The following LYG1 variants were observed in gnomAD, a reference collection of about 807,000 sequenced individuals.
LYG1 encodes lysozyme g1, also known as lysozyme g-like protein 1.
A neutral mutation model predicts 21.7 loss-of-function variants in LYG1; 17 were observed. That is an observed-to-expected ratio of 0.78 (90% confidence interval 0.54 to 1.18). LYG1 has a LOEUF of 1.18. Ranked by LOEUF, LYG1 falls within the 50% of genes most tolerant of loss-of-function variation. The pLI, the probability that LYG1 is intolerant of heterozygous loss-of-function variation, is 0.00. For synonymous variants in LYG1, 81 were observed against 87.4 expected (o/e 0.93, Z 0.41); for missense variants, 211 against 238.1 (o/e 0.89, Z 0.75).
intron 4 of LYG1, 120 bp downstream of exon 4, chr2:99,292,416 G>T (rs2094122163): frequency 2.8e-6 from 2 of 720,450 alleles, no homozygotes; most frequent in Non-Finnish European, 4.8e-6. Flanking sequence ...TAAGTGACTT[G>T]TTCAAGAAGC....
intron 5 of LYG1, among the ~76,000 whole-genome samples, chr2:99,289,842 TG>T: frequency 1.0e-5 from 1 of 97,526 alleles, no homozygotes; most frequent in Non-Finnish European, 2.5e-5. Context: ...TTCTCTTGTT[TG>T]TTGTTGTTGT....
Position 99,295,708 on chromosome 2 carries a change from A to C in LYG1, c.-32-6T>G, listed in dbSNP as rs751492530. The stretch of plus-strand genomic sequence containing the variant: ...GCTCTACGGCTCCTGAAACACTTTT[A>C]AAACAAAAATTAGCTTGAGAATACA... On this transcript the variant is annotated splice_polypyrimidine_tract_variant and splice_region_variant and intron_variant, in intron 2 of 6. Coordinates refer to ENST00000308528, the MANE Select transcript of LYG1 (RefSeq NM_174898.3). 5.0e-6 allele frequency: 8 copies of C among 1,613,764 alleles called. No homozygotes were observed. The highest frequency in any genetic ancestry group is 3.3e-5 in the Admixed American group (2 of 59,978).
rs141199519 is a variant in LYG1, at chr2:99,292,246, T to C, written c.148+290A>G. Among the ~76,000 whole-genome samples, 627 of 152,010 alleles carry C rather than the reference T, an allele frequency of 4.1e-3. 4 individuals are homozygous for C. The highest frequency in any genetic ancestry group is 0.014 in the African/African-American group (598 of 41,446). ...GTTGCAGTGACCTGAGATTGCACCATTGCACTCCAACCTGGGCAACAAGAC... is the reference window on the plus strand; with the variant it reads ...GTTGCAGTGACCTGAGATTGCACCACTGCACTCCAACCTGGGCAACAAGAC... On this transcript the variant is annotated intron_variant, in intron 4 of 6. Transcript: ENST00000308528.
chr2:99,292,943 C>A (rs1183999480), intron 3 of LYG1, among the ~76,000 whole-genome samples: 1 of 147,072 alleles, frequency 6.8e-6, no homozygotes, highest in African/African-American at 2.5e-5. Context: ...TCTTGGAACA[C>A]AAAGGAGAGG....
upstream of LYG1, among the ~76,000 whole-genome samples, chr2:99,302,785 G>A (rs1014277488): frequency 9.9e-5 from 15 of 152,064 alleles, no homozygotes; most frequent in Non-Finnish European, 7.4e-5. Flanking sequence ...TTGGGAGGCC[G>A]AGGCAGGTGG....
chr2:99,284,887 T>C (rs2105287581), intron 5 of LYG1, 67 bp from the exon 6 acceptor site: 1 of 1,570,598 alleles, frequency 6.4e-7, no homozygotes, highest in East Asian at 2.3e-5. Flanking sequence ...CTTACTGGGC[T>C]CAATGGCGCT....
chr2:99,287,481 C>T (rs2094103675), intron 5 of LYG1, among the ~76,000 whole-genome samples: 1 of 152,006 alleles, frequency 6.6e-6, no homozygotes. Context: ...CCATGACACA[C>T]GTTTACCTGT....
In LYG1 at chr2:99,291,391, A is replaced by T; in HGVS notation, c.179T>A (p.Ile60Lys). 6.2e-7 allele frequency: 1 copy of T among 1,614,170 alleles called. No homozygotes were observed. Among genetic ancestry groups the T allele is most frequent in the Non-Finnish European group, 8.5e-7 (1 of 1,180,020 alleles). ...GVRASERLAE[I>K]DMPYLLKYQP... ...ATATTTCAGGAGGTATGGCATGTCT[A>T]TTTCAGCCAGCCTTTCAGAAGCACG... Residue 60 changes from isoleucine to lysine, a missense_variant, in exon 5 of 7, where the codon ATA becomes AAA. Ile to Lys is a moderately radical substitution (Grantham distance 102). Coordinates refer to ENST00000308528, the MANE Select transcript of LYG1 (RefSeq NM_174898.3).
At chr2:99,303,893 C>T (rs1249175186), upstream of LYG1, among the ~76,000 whole-genome samples, 7 of 151,466 alleles carry the variant, frequency 4.6e-5, no homozygotes, top group East Asian at 2.0e-4. Flanking sequence ...AAACCCCGGC[C>T]GGGCACGGTG....
At chr2:99,298,320 T>C (rs986195576) in intron 2 of LYG1, 139 bp downstream of exon 2, 2 of 152,202 alleles carry the variant, frequency 1.3e-5, no homozygotes, top group Non-Finnish European at 2.9e-5. Context: ...GAGAGCAAAA[T>C]AGTAACAAAC....
At chr2:99,303,026 A>AAAG (rs2094159053), upstream of LYG1, among the ~76,000 whole-genome samples, 1 of 151,686 alleles carries the variant, frequency 6.6e-6, no homozygotes, top group Non-Finnish European at 1.5e-5. Flanking sequence ...GAAAAAAAAA[A>AAAG]AAAAGAAGAT....
chr2:99,299,799 T>G (rs2094148899), intron 1 of LYG1, among the ~76,000 whole-genome samples: 1 of 151,820 alleles, frequency 6.6e-6, no homozygotes, highest in African/African-American at 2.4e-5. Flanking sequence ...AAATATTTAT[T>G]TTATTCCATT....
intron 2 of LYG1, among the ~76,000 whole-genome samples, chr2:99,298,032 T>G (rs1354158645): frequency 6.6e-6 from 1 of 152,198 alleles, no homozygotes; most frequent in Non-Finnish European, 1.5e-5. Flanking sequence ...CTTAAATGGA[T>G]GAACAATGTC....
chr2:99,298,291 T>A (rs2094142897), intron 2 of LYG1, among the ~76,000 whole-genome samples, 168 bp downstream of exon 2: 1 of 152,112 alleles, frequency 6.6e-6, no homozygotes, highest in Non-Finnish European at 1.5e-5. Flanking sequence ...TATGGTAGCA[T>A]CCCTCTTCTC....
intron 2 of LYG1, among the ~76,000 whole-genome samples, 176 bp downstream of exon 2, chr2:99,298,283 T>C (rs953470335): frequency 1.3e-5 from 2 of 152,164 alleles, no homozygotes; most frequent in Non-Finnish European, 2.9e-5. Flanking sequence ...ACAATGTTTA[T>C]GGTAGCATCC....
rs1393974190 is a variant in LYG1 at position 99,295,616 on chromosome 2, A to T, written c.43+12T>A. The stretch of plus-strand genomic sequence containing the variant: ...ATCTCCAAAGTCATTTGTAAAAATC[A>T]GCCACACTCACCCATCAGGGCAAGG... On this transcript the variant is annotated intron_variant, in intron 3 of 6. Coordinates refer to ENST00000308528, the MANE Select transcript of LYG1 (RefSeq NM_174898.3). The T allele has an allele frequency of 6.2e-7, 1 of 1,614,174 alleles. No individual in the cohort carries two copies. Among genetic ancestry groups the T allele is most frequent in the Non-Finnish European group, 8.5e-7 (1 of 1,180,004 alleles).
intron 5 of LYG1, among the ~76,000 whole-genome samples, chr2:99,289,050 T>C (rs1453155389): frequency 1.3e-5 from 2 of 152,162 alleles, no homozygotes; most frequent in African/African-American, 4.8e-5. Flanking sequence ...TTTATTAGAA[T>C]TGCAGAACTT....
intron 5 of LYG1, 64 bp downstream of exon 5, chr2:99,291,173 C>A: frequency 6.6e-7 from 1 of 1,522,558 alleles, no homozygotes; most frequent in South Asian, 1.2e-5. Flanking sequence ...TGCCATCATC[C>A]AAAAAACAAA....
At chr2:99,300,079 ATCT>A (rs1248851911) in intron 1 of LYG1, among the ~76,000 whole-genome samples, 10 of 128,108 alleles carry the variant, frequency 7.8e-5, no homozygotes, top group Admixed American at 7.6e-4. Flanking sequence ...TGCCACTAAG[ATCT>A]TTTTTTTTTT....
Sources: gnomAD v4.1 joint callset for allele counts (sites outside exome capture counted in the v4.1 genomes callset) on GRCh38, gnomAD v4.1.1 for gene constraint, MANE v1.5 for transcripts, NCBI Gene and HGNC (gene_info 2026-07-23, HGNC 2026-07-21) for gene names.